SORCS3: variants seen among roughly 807,000 people sequenced by gnomAD.
SORCS3 encodes the protein VPS10 domain-containing receptor SorCS3.
In SORCS3, 57 loss-of-function variants were observed where a neutral mutation model predicts 146.3. The ratio of observed to expected loss-of-function variants is 0.39; its 90% CI spans 0.31 to 0.49. The LOEUF (loss-of-function observed/expected upper bound fraction) is 0.49. SORCS3 is among the 20% of genes least tolerant of loss of function. The pLI, the probability that SORCS3 is intolerant of heterozygous loss-of-function variation, is 0.92. For synonymous variants in SORCS3, 653 were observed against 618.5 expected (o/e 1.06, Z -0.83); for missense variants, 1,341 against 1,575.5 (o/e 0.85, Z 2.52).
At chr10:104,876,336 T>C (rs1310198311) in intron 2 of SORCS3, among the ~76,000 whole-genome samples, 2 of 152,212 alleles carry the variant, frequency 1.3e-5, no homozygotes, top group African/African-American at 4.8e-5. Flanking sequence ...GTCACCCTGA[T>C]CTTTGGGTTT....
At chr10:104,784,904 C>G (rs1381892778) in intron 1 of SORCS3, among the ~76,000 whole-genome samples, 1 of 152,212 alleles carries the variant, frequency 6.6e-6, no homozygotes, top group Non-Finnish European at 1.5e-5. Flanking sequence ...AAAAAATGTG[C>G]TTGCTATTCC....
Position 104,804,475 on chromosome 10 carries a change from C to T in SORCS3, c.628-38317C>T, listed in dbSNP as rs570369937. Among the ~76,000 whole-genome samples, 18 of 152,228 alleles carry T rather than the reference C, an allele frequency of 1.2e-4. No homozygotes were observed. In the South Asian group the frequency reaches 3.7e-3, roughly 32 times the overall value. Reference sequence around the variant, plus strand: ...TACTTTGGTAAGGTGCCCTCACTTGCATGATTTTATATATTCTTCACAGTA... The same window carrying T: ...TACTTTGGTAAGGTGCCCTCACTTGTATGATTTTATATATTCTTCACAGTA... On this transcript the variant is annotated intron_variant, in intron 1 of 26. Transcript: ENST00000369701.
intron 6 of SORCS3, among the ~76,000 whole-genome samples, chr10:105,103,776 A>T (rs1349923930): frequency 6.6e-6 from 1 of 152,252 alleles, no homozygotes; most frequent in African/African-American, 2.4e-5. Context: ...AAATTTGAAC[A>T]TTCAAGAAAT....
intron 14 of SORCS3, among the ~76,000 whole-genome samples, chr10:105,187,624 G>A (rs111918855): frequency 6.6e-6 from 1 of 152,202 alleles, no homozygotes; most frequent in Non-Finnish European, 1.5e-5. Flanking sequence ...GCTTTTGGAG[G>A]CAGAGGAAAA....
chr10:105,092,634 C>T (rs2055718331), intron 6 of SORCS3, among the ~76,000 whole-genome samples: 1 of 151,894 alleles, frequency 6.6e-6, no homozygotes, highest in Non-Finnish European at 1.5e-5. Context: ...CACACACACA[C>T]ACACATCTCT....
chr10:104,854,507 T>TA (rs1260624650), intron 2 of SORCS3, among the ~76,000 whole-genome samples: 1 of 152,224 alleles, frequency 6.6e-6, no homozygotes, highest in Non-Finnish European at 1.5e-5. Flanking sequence ...AGCTACAATA[T>TA]AATATCTCTA....
intron 20 of SORCS3, among the ~76,000 whole-genome samples, chr10:105,244,314 C>T (rs2056853411): frequency 6.6e-6 from 1 of 151,266 alleles, no homozygotes; most frequent in Non-Finnish European, 1.5e-5. Context: ...CCTTGAACAA[C>T]AAGGGTTTGA....
At chr10:104,699,472 T>C (rs1266049650) in intron 1 of SORCS3, among the ~76,000 whole-genome samples, 1 of 152,092 alleles carries the variant, frequency 6.6e-6, no homozygotes, top group Non-Finnish European at 1.5e-5. Context: ...GTTTCAAAGA[T>C]GAGATGGGAC....
At chr10:104,912,262 T>G (rs1165597997) in intron 2 of SORCS3, among the ~76,000 whole-genome samples, 1 of 152,222 alleles carries the variant, frequency 6.6e-6, no homozygotes, top group African/African-American at 2.4e-5. Flanking sequence ...GCTTCAATGT[T>G]CTTTCTCCAC....
intron 1 of SORCS3, among the ~76,000 whole-genome samples, chr10:104,723,922 T>G (rs1184509006): frequency 6.6e-6 from 1 of 152,216 alleles, no homozygotes; most frequent in Non-Finnish European, 1.5e-5. Flanking sequence ...GTCTTGACTC[T>G]TTATCCAGTT....
At chr10:104,804,602 A>G (rs1203787587) in intron 1 of SORCS3, among the ~76,000 whole-genome samples, 2 of 152,212 alleles carry the variant, frequency 1.3e-5, no homozygotes, top group African/African-American at 4.8e-5. Flanking sequence ...TTAGCAGTAA[A>G]ACCCATCAAC....
intron 2 of SORCS3, among the ~76,000 whole-genome samples, chr10:104,909,336 G>T (rs149770721): frequency 1.3e-5 from 2 of 152,154 alleles, no homozygotes; most frequent in Admixed American, 1.3e-4. Flanking sequence ...GTCAGATGCC[G>T]TGGTTGATAA....
intron 20 of SORCS3, among the ~76,000 whole-genome samples, chr10:105,240,040 G>T (rs941054247): frequency 6.6e-6 from 1 of 152,214 alleles, no homozygotes; most frequent in Non-Finnish European, 1.5e-5. Context: ...TGTTTGCTGT[G>T]GCTGAGTGCC....
At chr10:104,892,982 C>G (rs748778991) in intron 2 of SORCS3, among the ~76,000 whole-genome samples, 2 of 152,156 alleles carry the variant, frequency 1.3e-5, no homozygotes, top group Non-Finnish European at 2.9e-5. Context: ...TTATTTAACT[C>G]TTTGCATGAC....
chr10:105,109,000 T>TTA (rs1482797265), intron 7 of SORCS3, among the ~76,000 whole-genome samples: 1 of 152,172 alleles, frequency 6.6e-6, no homozygotes, highest in Non-Finnish European at 1.5e-5. Context: ...AAAACTCCCA[T>TTA]TATATGGTCT....
chr10:105,180,124 T>C (rs944333530), intron 14 of SORCS3, among the ~76,000 whole-genome samples: 1 of 152,156 alleles, frequency 6.6e-6, no homozygotes, highest in Non-Finnish European at 1.5e-5. Context: ...GCAAATGAAA[T>C]TATTTGTCTG....
At position 105,201,212 on chromosome 10, in the gene SORCS3, G is replaced by C; in HGVS notation, c.2220G>C (p.Val740=). ...TGGGCCGAGACCACTCAGGATCAGT[G>C]GTCTCAGAACCCTGTGTCTGTGCCA... ...CALGRDHSGS[V]VSEPCVCANW... is the part of the protein sequence containing the mutation. The change falls in exon 16 of 27, where the codon GTG becomes GTC. Residue 740 remains valine, a synonymous_variant. Coordinates refer to ENST00000369701, the MANE Select transcript of SORCS3 (RefSeq NM_014978.3). 1 of 1,611,518 alleles carries C rather than the reference G, an allele frequency of 6.2e-7. No individual in the cohort carries two copies. The highest frequency in any genetic ancestry group is 1.3e-5 in the African/African-American group (1 of 74,948).
At chr10:104,923,377 A>G (rs1290478083) in intron 3 of SORCS3, among the ~76,000 whole-genome samples, 2 of 152,076 alleles carry the variant, frequency 1.3e-5, no homozygotes, top group Non-Finnish European at 2.9e-5. Flanking sequence ...TAGTTATATG[A>G]CTACATGTTG....
In SORCS3 at chr10:105,211,260, A is replaced by T. The variant is rs1380646244; in HGVS notation, c.2375+10A>T. 1 of 1,586,796 alleles carries T rather than the reference A, an allele frequency of 6.3e-7. No homozygotes were observed. Among genetic ancestry groups the T allele is most frequent in the Non-Finnish European group, 8.7e-7 (1 of 1,155,292 alleles). On this transcript the variant is annotated intron_variant, in intron 17 of 26. Coordinates refer to ENST00000369701, the MANE Select transcript of SORCS3 (RefSeq NM_014978.3). ...ACCTTAACAGCACTGGGTAAGTAAA[A>T]CACCTACAGGAACTCAGCTCCCTGT...
Sources: gnomAD v4.1 joint callset for allele counts (sites outside exome capture counted in the v4.1 genomes callset) on GRCh38, gnomAD v4.1.1 for gene constraint, MANE v1.5 for transcripts, NCBI Gene and HGNC (gene_info 2026-07-23, HGNC 2026-07-21) for gene names.